The following ACSS3 variants were observed in gnomAD, a reference collection of about 807,000 sequenced individuals.
The protein encoded by ACSS3 is acyl-CoA synthetase short-chain family member 3, mitochondrial.
Under a neutral mutation model 84.2 loss-of-function variants are expected in ACSS3, and 64 were observed. That is an observed-to-expected ratio of 0.76 (90% CI 0.62 to 0.94). The LOEUF (loss-of-function observed/expected upper bound fraction) is 0.94. Ranked by LOEUF, ACSS3 falls within the 40% of genes least tolerant of loss-of-function variation. ACSS3 has a pLI of 0.00. For synonymous variants in ACSS3, 317 were observed against 310.1 expected (o/e 1.02, Z -0.23); for missense variants, 815 against 867.6 (o/e 0.94, Z 0.76).
At position 81,135,006 on chromosome 12, in the gene ACSS3, T is replaced by C. The variant is rs754567716; in HGVS notation, c.645+2T>C. The C allele has an allele frequency of 2.5e-6, 4 of 1,576,712 alleles. No homozygotes were observed. Among genetic ancestry groups the C allele is most frequent in the African/African-American group, 2.7e-5 (2 of 74,108 alleles). Reference sequence around the variant, plus strand: ...AGTAGTCGCATTGATCATGTAAAGGTAAGTGCTTTATTTTGGGAAATCAAG... The same window carrying C: ...AGTAGTCGCATTGATCATGTAAAGGCAAGTGCTTTATTTTGGGAAATCAAG... On this transcript the variant is annotated splice_donor_variant, in intron 3 of 15. Coordinates refer to ENST00000548058, the MANE Select transcript of ACSS3 (RefSeq NM_024560.4). LOFTEE classifies it high-confidence loss of function.
chr12:81,227,407 A>T lies in ACSS3; in HGVS notation c.1515-3650A>T, dbSNP rs1045532978. On this transcript the variant is annotated intron_variant, in intron 11 of 15. Coordinates refer to ENST00000548058, the MANE Select transcript of ACSS3 (RefSeq NM_024560.4). ...AATGTTGAGGACTATTTACACACAC[A>T]CACACACACACACACAAGTGTTGAT... Among the ~76,000 whole-genome samples the T allele has an allele frequency of 6.6e-5, 10 of 151,494 alleles. No individual in the cohort carries two copies. In the East Asian group the frequency reaches 7.8e-4, roughly 12 times the overall value.
intron 3 of ACSS3, among the ~76,000 whole-genome samples, chr12:81,135,279 AT>A (rs1485403196): frequency 5.3e-5 from 7 of 133,228 alleles, no homozygotes; most frequent in African/African-American, 2.3e-4. Context: ...GATATATATA[AT>A]ATATTATATA....
At chr12:81,078,732 C>CA (rs891540613) in intron 1 of ACSS3, among the ~76,000 whole-genome samples, 3 of 152,124 alleles carry the variant, frequency 2.0e-5, no homozygotes, top group Non-Finnish European at 4.4e-5. Flanking sequence ...ATCCTGCCTC[C>CA]AGGGACCGCA....
At chr12:81,125,743 T>C (rs1035335872) in intron 2 of ACSS3, 1 of 152,148 alleles carries the variant, frequency 6.6e-6, no homozygotes, top group Admixed American at 6.5e-5. Context: ...CTTCTGATGT[T>C]GAGATCATAT....
At chr12:81,107,822 T>C (rs1041448408) in intron 1 of ACSS3, among the ~76,000 whole-genome samples, 1 of 151,896 alleles carries the variant, frequency 6.6e-6, no homozygotes, top group Non-Finnish European at 1.5e-5. Flanking sequence ...GCTCCCTGCT[T>C]CTTTGGGCTC....
intron 7 of ACSS3, among the ~76,000 whole-genome samples, chr12:81,159,723 C>G (rs1887058570): frequency 6.6e-6 from 1 of 152,206 alleles, no homozygotes; most frequent in Non-Finnish European, 1.5e-5. Flanking sequence ...CACAAGCAAT[C>G]TTTTCACATA....
chr12:81,165,851 A>T (rs1294718811), intron 7 of ACSS3, among the ~76,000 whole-genome samples: 1 of 152,202 alleles, frequency 6.6e-6, no homozygotes, highest in African/African-American at 2.4e-5. Context: ...CAACTAGTAG[A>T]TAGGAAGAAC....
intron 7 of ACSS3, 27 bp from the exon 8 acceptor site, chr12:81,174,761 T>C: frequency 6.2e-7 from 1 of 1,603,320 alleles, no homozygotes; most frequent in Non-Finnish European, 8.5e-7. Context: ...TTTTATCCAG[T>C]GACATTTTAA....
intron 2 of ACSS3, among the ~76,000 whole-genome samples, chr12:81,125,087 G>T (rs1230972830): frequency 6.6e-6 from 1 of 152,116 alleles, no homozygotes; most frequent in African/African-American, 2.4e-5. Context: ...GGTGGTGGGC[G>T]CCTGTAGTCC....
intron 8 of ACSS3, among the ~76,000 whole-genome samples, chr12:81,192,274 G>T (rs999939449): frequency 2.6e-5 from 4 of 152,092 alleles, no homozygotes; most frequent in African/African-American, 9.7e-5. Context: ...CCAGCTACTT[G>T]GGAGGCTGAG....
At chr12:81,200,638 C>A (rs2135899637) in intron 9 of ACSS3, among the ~76,000 whole-genome samples, 1 of 151,930 alleles carries the variant, frequency 6.6e-6, no homozygotes, top group East Asian at 1.9e-4. Context: ...GCCTATAATT[C>A]CTGCACTTTG....
chr12:81,213,520 A>G (rs1344279905), intron 9 of ACSS3, among the ~76,000 whole-genome samples: 5 of 150,052 alleles, frequency 3.3e-5, no homozygotes, highest in African/African-American at 4.9e-5. Context: ...ATTTTGTCTG[A>G]TTGTATTTTC....
At chr12:81,114,444 A>G (rs1593068641) in intron 2 of ACSS3, among the ~76,000 whole-genome samples, 1 of 152,122 alleles carries the variant, frequency 6.6e-6, no homozygotes, top group Non-Finnish European at 1.5e-5. Context: ...AGATAATCTG[A>G]CATTTTTTCA....
At chr12:81,128,309 GACA>G (rs1233171907) in intron 2 of ACSS3, among the ~76,000 whole-genome samples, 2 of 152,022 alleles carry the variant, frequency 1.3e-5, no homozygotes, top group Admixed American at 1.3e-4. Flanking sequence ...CCAATGACAG[GACA>G]TTTATGTGTT....
At chr12:81,240,223 A>G (rs967040872) in intron 13 of ACSS3, among the ~76,000 whole-genome samples, 1 of 151,950 alleles carries the variant, frequency 6.6e-6, no homozygotes. Context: ...CAATTCTATC[A>G]GTTTTGCCTG....
At chr12:81,207,924 G>T (rs2032418660) in intron 9 of ACSS3, among the ~76,000 whole-genome samples, 1 of 152,058 alleles carries the variant, frequency 6.6e-6, no homozygotes, top group South Asian at 2.1e-4. Context: ...TAAGACCAGT[G>T]TCTCATAGCT....
intron 5 of ACSS3, among the ~76,000 whole-genome samples, chr12:81,145,240 T>C (rs1365674614): frequency 6.6e-6 from 1 of 151,994 alleles, no homozygotes; most frequent in Non-Finnish European, 1.5e-5. Context: ...GAGGTTCTTT[T>C]CTGGATTCCT....
chr12:81,124,059 C>T (rs948061347), intron 2 of ACSS3, among the ~76,000 whole-genome samples: 1 of 152,184 alleles, frequency 6.6e-6, no homozygotes, highest in Admixed American at 6.5e-5. Context: ...TTTGAGAAAT[C>T]TCCAAAGTGC....
rs1465288759 is a variant in ACSS3 at position 81,135,093 on chromosome 12, A to G, written c.645+89A>G. The G allele has an allele frequency of 4.5e-6, 5 of 1,103,954 alleles. No homozygotes were observed. The East Asian group carries it at 1.1e-4, about 25-fold the overall frequency. 68.4% of individuals were successfully genotyped at this position (1,103,954 alleles called of 1,614,324 possible). A position where few individuals can be genotyped will look rare whatever the true frequency, so the allele number is the denominator to read the frequency against. On this transcript the variant is annotated intron_variant, in intron 3 of 15. Coordinates refer to ENST00000548058, the MANE Select transcript of ACSS3 (RefSeq NM_024560.4). ...GATGAATCATCTGAGAATGCTCTAT[A>G]CTTGTTAGATCCTCCCTTCAAATAG...
Sources: gnomAD v4.1 joint callset for allele counts (sites outside exome capture counted in the v4.1 genomes callset) on GRCh38, gnomAD v4.1.1 for gene constraint, MANE v1.5 for transcripts, NCBI Gene and HGNC (gene_info 2026-07-23, HGNC 2026-07-21) for gene names.